The following ACACA variants were observed in gnomAD, a reference collection of about 807,000 sequenced individuals.
ACACA encodes the protein acetyl-CoA carboxylase alpha.
ACACA carries 103 observed loss-of-function variants against 296.1 expected under a neutral mutation model. That is an observed-to-expected ratio of 0.35 (90% CI 0.30 to 0.41). ACACA has a LOEUF of 0.41. ACACA is among the 10% of genes least tolerant of loss of function. ACACA has a pLI of 1.00. For synonymous variants in ACACA, 953 were observed against 1,038.6 expected, an observed-to-expected ratio of 0.92 and a Z score of 1.58; for missense variants, 1,554 against 2,989.7, an observed-to-expected ratio of 0.52 and a Z score of 11.20.
chr17:37,224,625 T>C (rs1341033909), intron 27 of ACACA, among the ~76,000 whole-genome samples: 2 of 151,992 alleles, frequency 1.3e-5, no homozygotes, highest in Non-Finnish European at 1.5e-5. Flanking sequence ...GATTCAAATA[T>C]CATAAATCAT....
intron 3 of ACACA, among the ~76,000 whole-genome samples, chr17:37,297,643 C>T (rs890309285): frequency 4.0e-4 from 60 of 151,410 alleles, no homozygotes; most frequent in African/African-American, 1.1e-3. Context: ...CCTGGGTTTG[C>T]TCGATCAAGC....
chr17:37,231,348 A>AT, intron 25 of ACACA, among the ~76,000 whole-genome samples: 1 of 152,338 alleles, frequency 6.6e-6, no homozygotes, highest in East Asian at 1.9e-4. Context: ...TGCCCTCAAG[A>AT]CATTAACTAT....
intron 3 of ACACA, chr17:37,299,478 T>C: frequency 2.0e-6 from 3 of 1,532,458 alleles, no homozygotes; most frequent in Non-Finnish European, 2.6e-6. Context: ...CAGACTAGAA[T>C]ACTCCTGATG....
intron 3 of ACACA, among the ~76,000 whole-genome samples, chr17:37,310,270 G>A (rs2084068102): frequency 6.6e-6 from 1 of 152,074 alleles, no homozygotes; most frequent in Non-Finnish European, 1.5e-5. Context: ...TTTTTGGTTT[G>A]AGCAGAGTGG....
chr17:37,272,517 T>A (rs763048286), intron 9 of ACACA, among the ~76,000 whole-genome samples: 1 of 151,724 alleles, frequency 6.6e-6, no homozygotes, highest in Admixed American at 6.6e-5. Flanking sequence ...ACTCAATTGC[T>A]GAGTGATAGA....
intron 1 of ACACA, chr17:37,379,315 T>C: frequency 6.2e-7 from 1 of 1,613,928 alleles, no homozygotes; most frequent in South Asian, 1.1e-5. Context: ...GAAACAGCTC[T>C]GCCTCCTCAA....
At chr17:37,378,044 A>G (rs986514314) in intron 1 of ACACA, 1 of 1,293,048 alleles carries the variant, frequency 7.7e-7, no homozygotes, top group Admixed American at 1.8e-5. Flanking sequence ...TCATCTTCCC[A>G]CTTCCTAGCC....
chr17:37,273,324 G>C (rs1359235646), intron 9 of ACACA, among the ~76,000 whole-genome samples: 1 of 152,130 alleles, frequency 6.6e-6, no homozygotes, highest in Non-Finnish European at 1.5e-5. Context: ...AAAGTGAAAG[G>C]GGAACAAATT....
rs9895936 is a variant in ACACA at position 37,334,330 on chromosome 17, G to A, written c.86-3905C>T. On this transcript the variant is annotated intron_variant, in intron 2 of 55. Coordinates refer to ENST00000616317, the MANE Select transcript of ACACA (RefSeq NM_198834.3). ...TCATCTCCTTAGCCAAATATCAACA[G>A]GTTCTTAAAACATTACAGGGAGCCT... is the stretch of plus-strand genomic sequence containing the variant. Among the ~76,000 whole-genome samples, 1,429 of 152,020 alleles carry A rather than the reference G, an allele frequency of 9.4e-3. 20 individuals are homozygous for A. The highest frequency in any genetic ancestry group is 0.033 in the African/African-American group (1,355 of 41,466).
At chr17:37,217,485 C>G (rs1391257635) in intron 29 of ACACA, among the ~76,000 whole-genome samples, 3 of 151,848 alleles carry the variant, frequency 2.0e-5, no homozygotes, top group Non-Finnish European at 4.4e-5. Context: ...CCTGTAATCC[C>G]AGCACTTTGG....
At chr17:37,218,251 G>A (rs1414144326) in intron 29 of ACACA, among the ~76,000 whole-genome samples, 1 of 151,910 alleles carries the variant, frequency 6.6e-6, no homozygotes, top group Non-Finnish European at 1.5e-5. Flanking sequence ...ATGCAGCTAG[G>A]GTAGTACTTG....
chr17:37,193,954 C>T (rs1357317310), intron 35 of ACACA, among the ~76,000 whole-genome samples: 4 of 152,112 alleles, frequency 2.6e-5, no homozygotes, highest in African/African-American at 9.7e-5. Context: ...CTACCTTGGT[C>T]ACTACCACTA....
chr17:37,367,097 T>C (rs28621473), intron 1 of ACACA: 1 of 149,364 alleles, frequency 6.7e-6, no homozygotes, highest in Non-Finnish European at 1.5e-5. Flanking sequence ...CAGAAAAAAA[T>C]ATATATATAT....
intron 54 of ACACA, among the ~76,000 whole-genome samples, chr17:37,096,400 C>T (rs547567919): frequency 1.4e-4 from 21 of 152,316 alleles, no homozygotes; most frequent in African/African-American, 4.6e-4. Flanking sequence ...CTCTTACTCT[C>T]ATGGCTTAGG....
At chr17:37,151,508 A>C in intron 43 of ACACA, 87 bp from the exon 44 acceptor site, 3 of 1,526,002 alleles carry the variant, frequency 2.0e-6, no homozygotes, top group Non-Finnish European at 2.7e-6. Flanking sequence ...AAAGGCGGCT[A>C]AAAGTGTATT....
chr17:37,250,508 C>T (rs1487866123), intron 16 of ACACA, among the ~76,000 whole-genome samples: 2 of 151,756 alleles, frequency 1.3e-5, no homozygotes, highest in African/African-American at 2.4e-5. Flanking sequence ...CGTGGTGGTG[C>T]GTGCCTGTAG....
chr17:37,365,940 C>T (rs1342553801), intron 1 of ACACA, among the ~76,000 whole-genome samples: 1 of 152,138 alleles, frequency 6.6e-6, no homozygotes. Context: ...CTCCATGACA[C>T]CTCCAATATA....
chr17:37,246,763 T>G (rs749283060), intron 19 of ACACA, 63 bp downstream of exon 19: 32 of 1,596,640 alleles, frequency 2.0e-5, no homozygotes, highest in Admixed American at 3.3e-5. Context: ...TCCTAGTCCA[T>G]CCCAGCCGAC....
At chr17:37,205,692 G>T in intron 33 of ACACA, 73 bp downstream of exon 33, 1 of 1,174,780 alleles carries the variant, frequency 8.5e-7, no homozygotes, top group South Asian at 1.2e-5. Flanking sequence ...ACTAGCAACT[G>T]ATAAAAGGAT....
Sources: allele counts gnomAD v4.1 joint callset (sites outside exome capture counted in the v4.1 genomes callset), GRCh38; gene constraint gnomAD v4.1.1; transcripts MANE v1.5; gene names NCBI Gene and HGNC (gene_info 2026-07-23, HGNC 2026-07-21).